The following NEMP1 variants were observed in gnomAD, a reference collection of about 807,000 sequenced individuals.
The protein encoded by NEMP1 is nuclear envelope integral membrane protein 1, also known as transmembrane protein 194.
NEMP1 carries 29 observed loss-of-function variants against 53.7 expected under a neutral mutation model. The ratio of observed to expected loss-of-function variants is 0.54; its 90% CI spans 0.40 to 0.74. NEMP1 has a LOEUF of 0.74. NEMP1 is among the 30% of genes least tolerant of loss of function. The pLI, the probability that NEMP1 is intolerant of heterozygous loss-of-function variation, is 0.00. For synonymous variants in NEMP1, 193 were observed against 192.9 expected (o/e 1.00, Z 0.00); for missense variants, 477 against 528.6 (o/e 0.90, Z 0.96).
chr12:57,066,237 A>G (rs2136493244), intron 4 of NEMP1, among the ~76,000 whole-genome samples: 1 of 152,304 alleles, frequency 6.6e-6, no homozygotes, highest in East Asian at 1.9e-4. Flanking sequence ...CCTGGGCAAG[A>G]GAGCAAGACT....
chr12:57,084,877 G>GT (rs918166128), intron 1 of NEMP1, among the ~76,000 whole-genome samples: 3 of 152,106 alleles, frequency 2.0e-5, no homozygotes, highest in Non-Finnish European at 2.9e-5. Context: ...AGTTTATTTT[G>GT]TTTTTTGAAT....
chr12:57,072,274 C>CA (rs1163808720), intron 2 of NEMP1, among the ~76,000 whole-genome samples: 1 of 151,940 alleles, frequency 6.6e-6, no homozygotes, highest in East Asian at 1.9e-4. Context: ...CCCATCTCTA[C>CA]AAAAAATACA....
upstream of NEMP1, among the ~76,000 whole-genome samples, chr12:57,082,695 G>A (rs912086428): frequency 6.6e-6 from 1 of 152,136 alleles, no homozygotes; most frequent in Non-Finnish European, 1.5e-5. Flanking sequence ...CTGGGTGACA[G>A]AGTAAGACCT....
At chr12:57,064,259 T>A in intron 5 of NEMP1, 74 bp from the exon 6 acceptor site, 1 of 917,414 alleles carries the variant, frequency 1.1e-6, no homozygotes, top group Non-Finnish European at 1.6e-6. Flanking sequence ...AAAATGGAAC[T>A]ATGATTTTTT....
intron 2 of NEMP1, among the ~76,000 whole-genome samples, chr12:57,072,205 A>G (rs546918719): frequency 1.3e-4 from 20 of 152,328 alleles, no homozygotes; most frequent in African/African-American, 4.8e-4. Flanking sequence ...TGGGAGGCCA[A>G]GGTGGGCAGA....
chr12:57,066,504 A>C (rs148128612), intron 4 of NEMP1, among the ~76,000 whole-genome samples: 180 of 152,330 alleles, frequency 1.2e-3, no homozygotes, highest in African/African-American at 4.2e-3. Flanking sequence ...GCATAATCAG[A>C]GAGATGTATG....
At chr12:57,070,984 C>G (rs1330707846) in intron 2 of NEMP1, 91 bp from the exon 3 acceptor site, 8 of 1,017,830 alleles carry the variant, frequency 7.9e-6, no homozygotes, top group African/African-American at 4.9e-5. Flanking sequence ...CTCAGACTAA[C>G]AACCAAATCA....
In NEMP1 at chr12:57,060,869, C is replaced by G; in HGVS notation, c.1057G>C (p.Val353Leu). ...TEEEYRIQGE[V>L]ETRKALEELR... ...TCCTCTAAAGCCTTTCGGGTTTCTACCTCTCCTTGTATCCGATATTCTTCT... is the reference window on the plus strand; with the variant it reads ...TCCTCTAAAGCCTTTCGGGTTTCTAGCTCTCCTTGTATCCGATATTCTTCT... Residue 353 changes from valine to leucine, a missense_variant, in exon 8 of 9, where the codon GTA (valine) becomes CTA (leucine). Coordinates refer to ENST00000300128, the MANE Select transcript of NEMP1 (RefSeq NM_001130963.2). 1.2e-6 allele frequency: 2 copies of G among 1,614,164 alleles called. No individual in the cohort carries two copies. Among genetic ancestry groups the G allele is most frequent in the Non-Finnish European group, 1.7e-6 (2 of 1,180,004 alleles).
In NEMP1 at chr12:57,069,174, T is replaced by C. The variant is rs376268384; in HGVS notation, c.545+60A>G. 4.0e-6 allele frequency: 5 copies of C among 1,240,572 alleles called. No homozygotes were observed. In the African/African-American group the frequency reaches 7.8e-5, roughly 19 times the overall value. The allele number at this position is 1,240,572 out of a possible 1,614,324, so 76.8% of individuals were successfully genotyped here. On this transcript the variant is annotated intron_variant, in intron 4 of 8. Coordinates refer to ENST00000300128, the MANE Select transcript of NEMP1 (RefSeq NM_001130963.2). ...GAATGGCAGTACTTAATAGTTACTA[T>C]AAAACGCAGGCAGGATAGGTATGAG...
chr12:57,072,684 C>T (rs563477093), intron 2 of NEMP1, 104 bp downstream of exon 2: 2 of 1,278,686 alleles, frequency 1.6e-6, no homozygotes, highest in East Asian at 4.8e-5. Flanking sequence ...TTGTTAACAA[C>T]ATTTTTTTTA....
intron 7 of NEMP1, among the ~76,000 whole-genome samples, chr12:57,062,667 A>G (rs1300270929): frequency 6.6e-6 from 1 of 151,962 alleles, no homozygotes; most frequent in Non-Finnish European, 1.5e-5. Flanking sequence ...CCTGGTCAAC[A>G]TGGGGAACCC....
chr12:57,087,358 G>C (rs2033034547), intron 1 of NEMP1, among the ~76,000 whole-genome samples: 1 of 151,896 alleles, frequency 6.6e-6, no homozygotes, highest in Admixed American at 6.6e-5. Context: ...GAGGATGTGC[G>C]TCACGGGGAG....
chr12:57,064,038 G>A (rs762082879), intron 6 of NEMP1, 33 bp downstream of exon 6: 14 of 1,346,004 alleles, frequency 1.0e-5, no homozygotes, highest in Admixed American at 5.8e-5. Flanking sequence ...GCCTATAAAC[G>A]TACAAAAGGA....
At chr12:57,082,656 G>A (rs567271038), upstream of NEMP1, among the ~76,000 whole-genome samples, 6 of 152,298 alleles carry the variant, frequency 3.9e-5, no homozygotes, top group African/African-American at 1.4e-4. Context: ...AGCCTGCAGT[G>A]AGCCATGATC....
intron 1 of NEMP1, 46 bp from the exon 2 acceptor site, chr12:57,072,958 A>G: frequency 6.5e-7 from 1 of 1,549,708 alleles, no homozygotes; most frequent in Non-Finnish European, 8.8e-7. Context: ...ACAAGCTAAT[A>G]ACTATAACTC....
intron 4 of NEMP1, among the ~76,000 whole-genome samples, chr12:57,067,091 T>C (rs1240209): frequency 1.3e-5 from 2 of 152,144 alleles, no homozygotes; most frequent in Non-Finnish European, 2.9e-5. Context: ...TTTGGGAGGC[T>C]GAGGCAGGCA....
Position 57,064,151 on chromosome 12 carries a change from C to T in NEMP1, c.674G>A (p.Trp225Ter), listed in dbSNP as rs552464490. ...SPIYVILVGG[W>*]SFSLYLIQLV... ...TTGAATGAGGTACAGAGAAAAAGAC[C>T]AGCCTCCCACCAGGATGACGTAAAT... The change falls in exon 6 of 9, where the codon TGG becomes TAG. Residue 225 changes from tryptophan (W) to a stop codon, truncating the protein, a stop_gained. Transcript: ENST00000300128. LOFTEE classifies it high-confidence loss of function. The T allele has an allele frequency of 6.2e-7, 1 of 1,609,092 alleles. No homozygotes were observed. The highest frequency in any genetic ancestry group is 1.1e-5 in the South Asian group (1 of 90,348).
At chr12:57,062,288 T>C (rs1038499344) in intron 7 of NEMP1, among the ~76,000 whole-genome samples, 2 of 137,628 alleles carry the variant, frequency 1.5e-5, no homozygotes, top group East Asian at 1.9e-4. Flanking sequence ...GAGACCACCC[T>C]GGCCAACATG....
At position 57,057,655 on chromosome 12, in the gene NEMP1, G is replaced by C. The variant is rs1316020258; in HGVS notation, c.*2224C>G. 1.3e-5 allele frequency: 2 copies of C among 152,176 alleles called. No individual in the cohort carries two copies. Among genetic ancestry groups the C allele is most frequent in the Admixed American group, 6.6e-5 (1 of 15,264 alleles). The allele number at this position is 152,176 out of a possible 1,614,324, so 9.4% of individuals were successfully genotyped here. The stretch of plus-strand genomic sequence containing the variant: ...AGCTCAGGTCTCCAACTACCAGATA[G>C]GGAGTAAAAAACAGTTTGATTTTAT... On this transcript the variant is annotated 3_prime_UTR_variant, in exon 9 of 9. Transcript: ENST00000300128.
Sources: gnomAD v4.1 joint callset for allele counts (sites outside exome capture counted in the v4.1 genomes callset) on GRCh38, gnomAD v4.1.1 for gene constraint, MANE v1.5 for transcripts, NCBI Gene and HGNC (gene_info 2026-07-23, HGNC 2026-07-21) for gene names.